The following MTUS2 variants were observed in gnomAD, a reference collection of about 807,000 sequenced individuals.
MTUS2 encodes the protein microtubule-associated tumor suppressor candidate 2.
A neutral mutation model predicts 114.1 loss-of-function variants in MTUS2; 40 were observed. That is an observed-to-expected ratio of 0.35 (90% CI 0.27 to 0.46). MTUS2 has a LOEUF of 0.46. Ranked by LOEUF, MTUS2 falls within the 20% of genes least tolerant of loss-of-function variation. The probability of loss-of-function intolerance (pLI) is 1.00; values close to 1 mark genes in which losing one functional copy is unlikely to be tolerated. For missense variants in MTUS2, 1,679 were observed against 1,705.4 expected, an observed-to-expected ratio of 0.98 and a Z score of 0.27; for synonymous variants, 688 against 672.0, an observed-to-expected ratio of 1.02 and a Z score of -0.37.
intron 5 of MTUS2, among the ~76,000 whole-genome samples, chr13:29,206,849 C>G (rs1178306458): frequency 6.6e-6 from 1 of 152,114 alleles, no homozygotes; most frequent in East Asian, 1.9e-4. Context: ...TGTGTTGCCT[C>G]CAGATTTGTT....
intron 5 of MTUS2, among the ~76,000 whole-genome samples, chr13:29,252,310 T>A (rs59368611): frequency 0.05 from 7,657 of 152,270 alleles, 644 homozygotes; most frequent in African/African-American, 0.17. Flanking sequence ...GGACTTATTA[T>A]ATTTTCTGGC....
intron 2 of MTUS2, among the ~76,000 whole-genome samples, chr13:28,943,519 C>T (rs571051475): frequency 2.0e-5 from 3 of 152,202 alleles, no homozygotes; most frequent in African/African-American, 7.2e-5. Context: ...TGCACGTTTA[C>T]AGAACATTTC....
intron 2 of MTUS2, among the ~76,000 whole-genome samples, chr13:28,969,778 C>T (rs1358401400): frequency 1.3e-5 from 2 of 150,582 alleles, no homozygotes; most frequent in African/African-American, 4.9e-5. Context: ...GCTGGGATTA[C>T]AGGCGTGAGC....
intron 5 of MTUS2, among the ~76,000 whole-genome samples, chr13:29,202,226 C>T (rs777834685): frequency 6.6e-5 from 10 of 152,096 alleles, no homozygotes; most frequent in Non-Finnish European, 1.3e-4. Flanking sequence ...TTTCTCTAAT[C>T]TTGTCTTCAT....
At chr13:29,099,435 G>A (rs1248503477) in intron 4 of MTUS2, among the ~76,000 whole-genome samples, 2 of 152,074 alleles carry the variant, frequency 1.3e-5, no homozygotes, top group Non-Finnish European at 2.9e-5. Context: ...CCTCACTTTC[G>A]GGGGAGCTGC....
At chr13:29,334,610 T>G (rs1271986810) in intron 7 of MTUS2, among the ~76,000 whole-genome samples, 1 of 152,196 alleles carries the variant, frequency 6.6e-6, no homozygotes, top group African/African-American at 2.4e-5. Flanking sequence ...GTAACCTGAC[T>G]TTTGTCTGTG....
At chr13:29,486,651 A>G (rs1881635064) in intron 10 of MTUS2, among the ~76,000 whole-genome samples, 1 of 152,256 alleles carries the variant, frequency 6.6e-6, no homozygotes, top group South Asian at 2.1e-4. Context: ...AAATAAATGT[A>G]GTGGCCTCTA....
intron 8 of MTUS2, among the ~76,000 whole-genome samples, chr13:29,409,480 A>C (rs1875050491): frequency 6.6e-6 from 1 of 152,186 alleles, no homozygotes; most frequent in South Asian, 2.1e-4. Flanking sequence ...TTTTAAAAAA[A>C]CAAGTTAGAT....
At chr13:29,054,301 T>C (rs936690977) in intron 4 of MTUS2, among the ~76,000 whole-genome samples, 5 of 152,212 alleles carry the variant, frequency 3.3e-5, no homozygotes, top group Non-Finnish European at 7.3e-5. Context: ...GGGATATTTA[T>C]ATATTCTAAA....
chr13:29,371,214 AACC>A (rs201775657), intron 8 of MTUS2, among the ~76,000 whole-genome samples: 2,227 of 105,034 alleles, frequency 0.021, 57 homozygotes, highest in African/African-American at 0.093. Context: ...TCTTCACATT[AACC>A]ACCCCCCCCC....
rs138647885 is a variant in MTUS2 at position 29,410,992 on chromosome 13, C to T, written c.3118-28991C>T. ...AGTTACAGGCACATGCCACCACACC[C>T]GGCTAATTTTTGTAATTTTAGTAGA... On this transcript the variant is annotated intron_variant, in intron 8 of 15. Transcript: ENST00000612955. 3.8e-3 allele frequency among the ~76,000 whole-genome samples: 577 copies of T among 152,186 alleles called. 3 individuals are homozygous for T. The East Asian group carries it at 0.039, about 10-fold the overall frequency.
intron 10 of MTUS2, chr13:29,482,496 T>G (rs537398956): frequency 6.6e-6 from 1 of 152,358 alleles, no homozygotes; most frequent in Admixed American, 6.5e-5. Context: ...CTGTTCATGA[T>G]CCTTTATGAT....
At chr13:28,950,577 A>G (rs941168288) in intron 2 of MTUS2, among the ~76,000 whole-genome samples, 1 of 152,208 alleles carries the variant, frequency 6.6e-6, no homozygotes, top group Non-Finnish European at 1.5e-5. Flanking sequence ...ATTTAGGTCT[A>G]ATTTCGATAT....
At chr13:29,290,906 C>A (rs940898883) in intron 6 of MTUS2, among the ~76,000 whole-genome samples, 11 of 152,208 alleles carry the variant, frequency 7.2e-5, no homozygotes, top group African/African-American at 2.4e-4. Flanking sequence ...CAACAAATAG[C>A]TGCCGAATAA....
chr13:29,048,884 G>C (rs540096950), intron 4 of MTUS2, among the ~76,000 whole-genome samples: 2 of 152,274 alleles, frequency 1.3e-5, no homozygotes, highest in African/African-American at 4.8e-5. Flanking sequence ...CCAAAGTGCT[G>C]GGATTACAGG....
chr13:29,163,001 AAC>A (rs554667437), intron 5 of MTUS2, among the ~76,000 whole-genome samples: 3 of 28,128 alleles, frequency 1.1e-4, no homozygotes, highest in African/African-American at 3.6e-4. Context: ...GTTCAGTTCT[AAC>A]ATGTGTGTGG....
At chr13:28,897,813 A>G (rs1002289252) in intron 2 of MTUS2, among the ~76,000 whole-genome samples, 4 of 151,144 alleles carry the variant, frequency 2.6e-5, no homozygotes, top group African/African-American at 9.7e-5. Flanking sequence ...CAAAAAACCA[A>G]ACACCGCATG....
At chr13:29,032,525 T>A (rs796962242) in intron 3 of MTUS2, among the ~76,000 whole-genome samples, 6 of 152,320 alleles carry the variant, frequency 3.9e-5, no homozygotes, top group African/African-American at 1.2e-4. Context: ...AAGTAGAGAA[T>A]GGTAAAAAAT....
intron 1 of MTUS2, among the ~76,000 whole-genome samples, chr13:28,827,117 A>G (rs1256163726): frequency 6.6e-6 from 1 of 152,224 alleles, no homozygotes; most frequent in African/African-American, 2.4e-5. Context: ...TTATATTACT[A>G]TCAGTTTATT....
Sources: allele counts gnomAD v4.1 joint callset (sites outside exome capture counted in the v4.1 genomes callset), GRCh38; gene constraint gnomAD v4.1.1; transcripts MANE v1.5; gene names NCBI Gene and HGNC (gene_info 2026-07-23, HGNC 2026-07-21).